The following PDE3B variants were observed in gnomAD, a reference collection of about 807,000 sequenced individuals.
PDE3B encodes phosphodiesterase 3B.
In PDE3B, 66 loss-of-function variants were observed where a neutral mutation model predicts 116.8. The ratio of observed to expected loss-of-function variants is 0.56; its 90% CI spans 0.46 to 0.69. The LOEUF is 0.69. Among genes scored for constraint, PDE3B ranks in the 30% least tolerant of loss-of-function variants. PDE3B has a pLI of 0.00. For synonymous variants in PDE3B, 595 were observed against 533.6 expected, an observed-to-expected ratio of 1.12 and a Z score of -1.59; for missense variants, 1,384 against 1,368.1, an observed-to-expected ratio of 1.01 and a Z score of -0.18.
Position 14,644,325 on chromosome 11 carries a change from G to T in PDE3B, c.250G>T (p.Ala84Ser). The T allele has an allele frequency of 1.3e-6, 2 of 1,569,354 alleles. No homozygotes were observed. Among genetic ancestry groups the T allele is most frequent in the South Asian group, 1.2e-5 (1 of 86,908 alleles). The change falls in exon 1 of 16, where the codon GCC (alanine) becomes TCC (serine). Residue 84 changes from alanine to serine, a missense_variant. Physicochemically the swap from Ala to Ser is moderately conservative, Grantham distance 99 (BLOSUM62 1). Coordinates refer to ENST00000282096, the MANE Select transcript of PDE3B (RefSeq NM_000922.4). ...PFCRARLSLGALAAFVLALLL... is the reference protein window; with the variant it reads ...PFCRARLSLGSLAAFVLALLL... ...CTGCCGGGCGCGCCTCTCGCTGGGC[G>T]CCCTGGCTGCCTTTGTCCTCGCCCT...
intron 1 of PDE3B, among the ~76,000 whole-genome samples, chr11:14,748,663 A>G (rs1057231186): frequency 1.3e-5 from 2 of 152,128 alleles, no homozygotes; most frequent in Non-Finnish European, 2.9e-5. Context: ...AATAGGAACA[A>G]TTATTTCCAA....
intron 4 of PDE3B, among the ~76,000 whole-genome samples, chr11:14,799,469 T>A (rs1344908194): frequency 2.6e-5 from 4 of 152,196 alleles, no homozygotes; most frequent in Non-Finnish European, 5.9e-5. Context: ...AGAGCTGAGT[T>A]CAAGTCCTGA....
chr11:14,649,520 A>G lies in PDE3B; in HGVS notation c.978+4467A>G, dbSNP rs575437182. Among the ~76,000 whole-genome samples the G allele has an allele frequency of 2.0e-5, 3 of 152,336 alleles. No homozygotes were observed. In the East Asian group the frequency reaches 5.8e-4, roughly 29 times the overall value. On this transcript the variant is annotated intron_variant, in intron 1 of 15. Coordinates refer to ENST00000282096, the MANE Select transcript of PDE3B (RefSeq NM_000922.4). ...CACTTTTACTTTCCACAAGGAGCAT[A>G]TATACTTCCCATCATAGCCTTCCAA...
chr11:14,891,100 C>T, the PDE3B span: 3 of 985,472 alleles, frequency 3.0e-6, no homozygotes, highest in Non-Finnish European at 3.6e-6. Flanking sequence ...CAGGTGAGCT[C>T]TGTCCCAGGA....
At chr11:14,663,465 C>G (rs969914268) in intron 1 of PDE3B, among the ~76,000 whole-genome samples, 1 of 152,130 alleles carries the variant, frequency 6.6e-6, no homozygotes, top group Non-Finnish European at 1.5e-5. Context: ...ACAATATTAA[C>G]TTTAAATGTA....
chr11:14,733,080 C>A (rs1396018150), intron 1 of PDE3B, among the ~76,000 whole-genome samples: 1 of 152,124 alleles, frequency 6.6e-6, no homozygotes, highest in Non-Finnish European at 1.5e-5. Context: ...CAGTAGTATG[C>A]ATATTGCTTT....
chr11:14,709,849 T>A (rs1855649584), intron 1 of PDE3B, among the ~76,000 whole-genome samples: 1 of 152,246 alleles, frequency 6.6e-6, no homozygotes, highest in African/African-American at 2.4e-5. Flanking sequence ...ATAAAAATAC[T>A]TTTTTTCCTG....
Position 14,818,230 on chromosome 11 carries a change from G to C in PDE3B, c.1570G>C (p.Val524Leu). ...TGTGAATTCTTCCAACCATGGACCAGTGTCTACTGGCTCTCTAACTAATCG... is the reference window on the plus strand; with the variant it reads ...TGTGAATTCTTCCAACCATGGACCACTGTCTACTGGCTCTCTAACTAATCG... ...SPVNSSNHGP[V>L]STGSLTNRSP... The change falls in exon 6 of 16, where the codon GTG becomes CTG. Residue 524 changes from valine (V) to leucine (L), a missense_variant. By Grantham distance (32) the Val-to-Leu change is conservative (BLOSUM62 1). Coordinates refer to ENST00000282096, the MANE Select transcript of PDE3B (RefSeq NM_000922.4). 2 of 1,613,710 alleles carry C rather than the reference G, an allele frequency of 1.2e-6. No homozygotes were observed. Among genetic ancestry groups the C allele is most frequent in the South Asian group, 1.1e-5 (1 of 91,072 alleles).
At chr11:14,813,509 T>A (rs1258833008) in intron 5 of PDE3B, among the ~76,000 whole-genome samples, 1 of 152,200 alleles carries the variant, frequency 6.6e-6, no homozygotes, top group Non-Finnish European at 1.5e-5. Flanking sequence ...CTTAGCCGTG[T>A]GTGACTCCTG....
At chr11:14,781,178 A>G (rs1217458164) in intron 2 of PDE3B, among the ~76,000 whole-genome samples, 1 of 152,238 alleles carries the variant, frequency 6.6e-6, no homozygotes, top group East Asian at 1.9e-4. Flanking sequence ...TTAAGAGCCT[A>G]CCAACCAAAA....
At chr11:14,772,253 T>C (rs564021289) in intron 2 of PDE3B, 2 of 195,502 alleles carry the variant, frequency 1.0e-5, no homozygotes, top group East Asian at 2.5e-4. Context: ...TAATCTGGGC[T>C]CAGAATCAAC....
chr11:14,884,922 TTATTTA>T, the PDE3B span, among the ~76,000 whole-genome samples: 8 of 152,122 alleles, frequency 5.3e-5, no homozygotes, highest in African/African-American at 1.9e-4. Flanking sequence ...TGTTTGTTTT[TTATTTA>T]TATTACTGCT....
At chr11:14,835,351 T>C (rs1186548516) in intron 11 of PDE3B, among the ~76,000 whole-genome samples, 1 of 152,220 alleles carries the variant, frequency 6.6e-6, no homozygotes. Flanking sequence ...GGATCTATCA[T>C]GTTTCCTTCT....
At chr11:14,675,748 C>T (rs1220782582) in intron 1 of PDE3B, among the ~76,000 whole-genome samples, 2 of 152,026 alleles carry the variant, frequency 1.3e-5, no homozygotes, top group Non-Finnish European at 2.9e-5. Flanking sequence ...GAATACATCA[C>T]AATTTATTTA....
At chr11:14,678,653 A>G (rs763364314) in intron 1 of PDE3B, among the ~76,000 whole-genome samples, 1 of 152,162 alleles carries the variant, frequency 6.6e-6, no homozygotes, top group Non-Finnish European at 1.5e-5. Context: ...TTAAGTGGAT[A>G]TAAGTCTTTT....
intron 5 of PDE3B, among the ~76,000 whole-genome samples, chr11:14,804,637 C>T (rs1448810367): frequency 2.6e-5 from 4 of 151,782 alleles, no homozygotes; most frequent in Non-Finnish European, 5.9e-5. Flanking sequence ...TTCTTTTATA[C>T]ACAATAACCT....
chr11:14,761,144 T>C (rs1475769567), intron 1 of PDE3B, among the ~76,000 whole-genome samples: 1 of 152,136 alleles, frequency 6.6e-6, no homozygotes, highest in East Asian at 1.9e-4. Flanking sequence ...GCTATTAATA[T>C]AGAAAAAAGA....
At chr11:14,872,788 G>T (rs527307468), downstream of PDE3B, among the ~76,000 whole-genome samples, 1 of 152,254 alleles carries the variant, frequency 6.6e-6, no homozygotes, top group South Asian at 2.1e-4. Context: ...CTATACAAGG[G>T]TTACGCATCC....
chr11:14,655,223 T>C (rs1436981230), intron 1 of PDE3B, among the ~76,000 whole-genome samples: 1 of 152,010 alleles, frequency 6.6e-6, no homozygotes, highest in Non-Finnish European at 1.5e-5. Flanking sequence ...GGAAAACACT[T>C]TGCTAGAGAA....
Sources: gnomAD v4.1 joint callset for allele counts (sites outside exome capture counted in the v4.1 genomes callset) on GRCh38, gnomAD v4.1.1 for gene constraint, MANE v1.5 for transcripts, NCBI Gene and HGNC (gene_info 2026-07-23, HGNC 2026-07-21) for gene names.